The following CCDC91 variants were observed in gnomAD, a reference collection of about 807,000 sequenced individuals.
CCDC91 encodes coiled-coil domain-containing protein 91.
CCDC91 carries 48 observed loss-of-function variants against 63.2 expected under a neutral mutation model. The observed-to-expected ratio is 0.76, with a 90% CI of 0.60 to 0.97. CCDC91 has a LOEUF of 0.97. Ranked by LOEUF, CCDC91 falls within the 50% of genes least tolerant of loss-of-function variation. The pLI, the probability that CCDC91 is intolerant of heterozygous loss-of-function variation, is 0.00. For missense variants in CCDC91, 500 were observed against 494.6 expected (o/e 1.01, Z -0.10); for synonymous variants, 167 against 165.8 (o/e 1.01, Z -0.06).
chr12:28,470,918 A>G (rs1157218119), intron 11 of CCDC91, among the ~76,000 whole-genome samples: 1 of 152,156 alleles, frequency 6.6e-6, no homozygotes, highest in Non-Finnish European at 1.5e-5. Context: ...TAGTGGAAGG[A>G]TGGTTACCAG....
chr12:28,447,872 C>G (rs1481964129), intron 8 of CCDC91, among the ~76,000 whole-genome samples: 1 of 138,994 alleles, frequency 7.2e-6, no homozygotes, highest in Non-Finnish European at 1.5e-5. Flanking sequence ...GAAATTTTCC[C>G]CTTGCCATTA....
intron 3 of CCDC91, among the ~76,000 whole-genome samples, chr12:28,260,534 C>T (rs1437358637): frequency 6.6e-6 from 1 of 151,908 alleles, no homozygotes; most frequent in East Asian, 1.9e-4. Context: ...CCTTATGATA[C>T]TAACTCCTAT....
chr12:28,234,508 A>G (rs1292760873), intron 1 of CCDC91, among the ~76,000 whole-genome samples: 1 of 152,190 alleles, frequency 6.6e-6, no homozygotes, highest in African/African-American at 2.4e-5. Context: ...TATTTAGTGA[A>G]ATTATACATT....
At chr12:28,337,145 A>G (rs1942046499) in intron 6 of CCDC91, among the ~76,000 whole-genome samples, 1 of 152,122 alleles carries the variant, frequency 6.6e-6, no homozygotes, top group African/African-American at 2.4e-5. Context: ...ATTTCATTAT[A>G]TTTATCTCAA....
intron 8 of CCDC91, among the ~76,000 whole-genome samples, chr12:28,441,451 A>G (rs558876524): frequency 4.6e-5 from 7 of 152,246 alleles, no homozygotes; most frequent in Middle Eastern, 3.4e-3. Flanking sequence ...CTAAATGTCT[A>G]TCTTCAGGAG....
chr12:28,381,996 C>T (rs1945324639), intron 7 of CCDC91, among the ~76,000 whole-genome samples: 1 of 151,974 alleles, frequency 6.6e-6, no homozygotes, highest in Admixed American at 6.6e-5. Context: ...TTTTTATTCA[C>T]CCTTAATGTA....
At chr12:28,406,277 T>TA (rs58830565) in intron 8 of CCDC91, among the ~76,000 whole-genome samples, 1,517 of 128,888 alleles carry the variant, frequency 0.012, 23 homozygotes, top group African/African-American at 0.033. Flanking sequence ...GTTCTTCCAA[T>TA]AAAAAAAAAA....
intron 11 of CCDC91, among the ~76,000 whole-genome samples, chr12:28,474,889 A>G (rs1394865007): frequency 3.9e-5 from 6 of 152,110 alleles, no homozygotes; most frequent in Non-Finnish European, 7.4e-5. Context: ...GCTCACCTAC[A>G]TGGAAACTGA....
chr12:28,545,925 CATTT>C (rs1374300243), intron 12 of CCDC91, among the ~76,000 whole-genome samples: 1 of 152,030 alleles, frequency 6.6e-6, no homozygotes, highest in African/African-American at 2.4e-5. Context: ...AAAAGTTTCT[CATTT>C]ATCTAGCTTC....
At chr12:28,481,396 G>A (rs1385958458) in intron 11 of CCDC91, among the ~76,000 whole-genome samples, 1 of 151,964 alleles carries the variant, frequency 6.6e-6, no homozygotes, top group African/African-American at 2.4e-5. Context: ...ACCATGTTCA[G>A]TGGTGGTGTG....
intron 1 of CCDC91, among the ~76,000 whole-genome samples, chr12:28,218,699 T>TTG (rs60247849): frequency 0.25 from 37,223 of 146,416 alleles, 4,588 homozygotes; most frequent in Non-Finnish European, 0.29. Context: ...TTGCAGATGT[T>TTG]TGTGTGTGTG....
intron 12 of CCDC91, among the ~76,000 whole-genome samples, chr12:28,514,651 A>G (rs529057536): frequency 6.6e-6 from 1 of 151,808 alleles, no homozygotes; most frequent in Non-Finnish European, 1.5e-5. Flanking sequence ...ATGCATCTTG[A>G]GTTGATTTTT....
intron 8 of CCDC91, among the ~76,000 whole-genome samples, chr12:28,443,847 A>G (rs549283238): frequency 2.0e-5 from 3 of 152,226 alleles, no homozygotes; most frequent in Non-Finnish European, 4.4e-5. Flanking sequence ...TACAACCCTG[A>G]TGTTTTGTTA....
intron 8 of CCDC91, among the ~76,000 whole-genome samples, chr12:28,398,457 TTG>T (rs1946420189): frequency 6.6e-6 from 1 of 152,178 alleles, no homozygotes; most frequent in Admixed American, 6.5e-5. Flanking sequence ...TTGCTTAAAT[TTG>T]GGGCTGCTTT....
intron 6 of CCDC91, among the ~76,000 whole-genome samples, chr12:28,356,360 A>G (rs1471094229): frequency 1.3e-5 from 2 of 152,128 alleles, no homozygotes; most frequent in Non-Finnish European, 2.9e-5. Flanking sequence ...TGGTATGCAC[A>G]TATGGTATAA....
At chr12:28,420,474 T>C (rs926945207) in intron 8 of CCDC91, among the ~76,000 whole-genome samples, 3 of 152,216 alleles carry the variant, frequency 2.0e-5, no homozygotes, top group African/African-American at 7.2e-5. Context: ...GGAATTGTTA[T>C]ATGCCATCTG....
intron 8 of CCDC91, among the ~76,000 whole-genome samples, chr12:28,432,673 A>G (rs752643710): frequency 1.3e-5 from 2 of 152,112 alleles, no homozygotes; most frequent in Non-Finnish European, 2.9e-5. Context: ...GATAAAATGG[A>G]TGTAAACATC....
In CCDC91 at chr12:28,549,250, A is replaced by T; in HGVS notation, c.*77A>T. The T allele has an allele frequency of 1.2e-6, 1 of 806,474 alleles. No individual in the cohort carries two copies. Among genetic ancestry groups the T allele is most frequent in the South Asian group, 1.6e-5 (1 of 61,630 alleles). The allele number at this position is 806,474 out of a possible 1,614,324, so 50.0% of individuals were successfully genotyped here. A position where few individuals can be genotyped will look rare whatever the true frequency, so the allele number is the denominator to read the frequency against. ...AAAATACACACTCTGAATTATAAAG[A>T]TGTGTTTGTTTTCTTTCCAAATCAT... On this transcript the variant is annotated 3_prime_UTR_variant, in exon 13 of 13. Coordinates refer to ENST00000536442, the MANE Select transcript of CCDC91 (RefSeq NM_018318.5).
chr12:28,307,140 T>A (rs566246278), intron 5 of CCDC91, among the ~76,000 whole-genome samples, 195 bp downstream of exon 5: 1 of 152,132 alleles, frequency 6.6e-6, no homozygotes, highest in East Asian at 1.9e-4. Context: ...CTTTTAAAGA[T>A]ATGAACATCG....
Sources: gnomAD v4.1 joint callset for allele counts (sites outside exome capture counted in the v4.1 genomes callset) on GRCh38, gnomAD v4.1.1 for gene constraint, MANE v1.5 for transcripts, NCBI Gene and HGNC (gene_info 2026-07-23, HGNC 2026-07-21) for gene names.